ADAMTSL1: variants seen among roughly 807,000 people sequenced by gnomAD.
ADAMTSL1 encodes ADAMTS-like protein 1.
ADAMTSL1 carries 126 observed loss-of-function variants against 201.8 expected under a neutral mutation model. The observed-to-expected ratio is 0.62, with a 90% CI of 0.54 to 0.72. The LOEUF (loss-of-function observed/expected upper bound fraction) is 0.72, where lower values mean the gene tolerates loss of function less well. Ranked by LOEUF, ADAMTSL1 falls within the 30% of genes least tolerant of loss-of-function variation. The probability of loss-of-function intolerance (pLI) is 0.00; values close to 1 mark genes in which losing one functional copy is unlikely to be tolerated. For synonymous variants in ADAMTSL1, 1,121 were observed against 903.4 expected (o/e 1.24, Z -4.32); for missense variants, 2,679 against 2,277.8 (o/e 1.18, Z -3.59).
rs531076532 is a variant in ADAMTSL1 at position 18,495,307 on chromosome 9, A to T, written c.64-9522A>T. Among the ~76,000 whole-genome samples the T allele has an allele frequency of 2.0e-5, 3 of 152,296 alleles. 1 individual carries two copies. The South Asian group carries it at 6.2e-4, about 32-fold the overall frequency. On this transcript the variant is annotated intron_variant, in intron 1 of 28. Transcript: ENST00000380548. ...ATGTGAAAGCAACGCGTCCCTCAAA[A>T]GCCAAGAGGCAGAGGGCTATGAGGT...
At chr9:18,035,269 C>G (rs76649668) in intron 1 of ADAMTSL1, among the ~76,000 whole-genome samples, 1 of 152,156 alleles carries the variant, frequency 6.6e-6, no homozygotes, top group Non-Finnish European at 1.5e-5. Context: ...GCCTGTTAGG[C>G]ATATTTATGC....
chr9:18,178,315 C>T (rs528881055), intron 2 of ADAMTSL1, among the ~76,000 whole-genome samples: 7 of 151,844 alleles, frequency 4.6e-5, no homozygotes, highest in Non-Finnish European at 8.8e-5. Flanking sequence ...TGCGCTTTTC[C>T]GACGGGCTTA....
At chr9:18,744,705 C>T (rs973217039) in intron 15 of ADAMTSL1, among the ~76,000 whole-genome samples, 4 of 152,222 alleles carry the variant, frequency 2.6e-5, no homozygotes, top group African/African-American at 9.7e-5. Context: ...TAAGTAACTT[C>T]CCCGAGATTA....
intron 3 of ADAMTSL1, among the ~76,000 whole-genome samples, chr9:18,566,159 AAG>A (rs1821877490): frequency 6.6e-6 from 1 of 152,220 alleles, no homozygotes; most frequent in African/African-American, 2.4e-5. Context: ...TTTTGAAAGA[AAG>A]AAAAAAATTA....
At chr9:18,285,499 T>C (rs760319861) in intron 2 of ADAMTSL1, among the ~76,000 whole-genome samples, 1 of 152,156 alleles carries the variant, frequency 6.6e-6, no homozygotes, top group Non-Finnish European at 1.5e-5. Flanking sequence ...TATTAGTTTC[T>C]AGTGTGTTTC....
intron 2 of ADAMTSL1, among the ~76,000 whole-genome samples, chr9:18,359,752 G>A (rs940425328): frequency 6.6e-6 from 1 of 150,966 alleles, no homozygotes; most frequent in African/African-American, 2.4e-5. Flanking sequence ...CTTTTCTAAG[G>A]GTGTTCCTTA....
intron 3 of ADAMTSL1, among the ~76,000 whole-genome samples, chr9:18,552,437 G>T (rs1406284008): frequency 6.6e-6 from 1 of 151,584 alleles, no homozygotes; most frequent in African/African-American, 2.4e-5. Context: ...TTCCAAAATG[G>T]TCTTTTTATT....
Position 18,782,688 on chromosome 9 carries a change from A to G in ADAMTSL1, c.3677+4782A>G, listed in dbSNP as rs116183816. Among the ~76,000 whole-genome samples the G allele has an allele frequency of 3.9e-3, 587 of 152,346 alleles. 1 individual carries two copies. Among genetic ancestry groups the G allele is most frequent in the African/African-American group, 0.014 (563 of 41,568 alleles). On this transcript the variant is annotated intron_variant, in intron 19 of 28. Transcript: ENST00000380548. Reference sequence around the variant, plus strand: ...GCAGAAAATTAAAACGGGTATAATAAGAGAATGATTTGGTGACCGCTTTAG... The same window carrying G: ...GCAGAAAATTAAAACGGGTATAATAGGAGAATGATTTGGTGACCGCTTTAG...
chr9:18,063,665 T>C (rs956373790), intron 1 of ADAMTSL1, among the ~76,000 whole-genome samples: 15 of 152,226 alleles, frequency 9.9e-5, no homozygotes, highest in African/African-American at 3.6e-4. Context: ...TGATGCTTAC[T>C]GTATACCACG....
intron 1 of ADAMTSL1, among the ~76,000 whole-genome samples, chr9:18,022,961 T>C (rs148417831): frequency 1.3e-5 from 2 of 152,210 alleles, no homozygotes; most frequent in African/African-American, 4.8e-5. Context: ...TGGGTTTCTT[T>C]TCTCTTACCC....
intron 2 of ADAMTSL1, among the ~76,000 whole-genome samples, chr9:18,313,862 C>T (rs1477098396): frequency 4.6e-5 from 7 of 152,090 alleles, no homozygotes; most frequent in Admixed American, 4.6e-4. Flanking sequence ...AGAGCTTCTG[C>T]ACAGCAAACA....
chr9:18,265,722 T>C (rs1196047908), intron 2 of ADAMTSL1, among the ~76,000 whole-genome samples: 2 of 152,212 alleles, frequency 1.3e-5, no homozygotes, highest in African/African-American at 4.8e-5. Context: ...AAAATGTCTT[T>C]TAAAATAATC....
intron 9 of ADAMTSL1, among the ~76,000 whole-genome samples, chr9:18,662,518 G>A (rs367789667): frequency 9.3e-4 from 141 of 152,190 alleles, no homozygotes; most frequent in African/African-American, 3.3e-3. Context: ...ATCCCTTCTA[G>A]CCTGTCCACA....
intron 2 of ADAMTSL1, among the ~76,000 whole-genome samples, chr9:18,520,202 A>C (rs1818610127): frequency 6.6e-6 from 1 of 152,218 alleles, no homozygotes; most frequent in Non-Finnish European, 1.5e-5. Flanking sequence ...TTGCTCAAAA[A>C]TCTGTAAAAG....
intron 4 of ADAMTSL1, among the ~76,000 whole-genome samples, chr9:18,610,363 C>A (rs999862165): frequency 2.6e-5 from 4 of 152,088 alleles, no homozygotes; most frequent in Admixed American, 2.6e-4. Flanking sequence ...TCTGAAAATT[C>A]GCTGCCTTGT....
intron 1 of ADAMTSL1, among the ~76,000 whole-genome samples, chr9:18,024,208 AT>A (rs1820597704): frequency 6.6e-6 from 1 of 152,114 alleles, no homozygotes; most frequent in Non-Finnish European, 1.5e-5. Flanking sequence ...AAACAAAGTA[AT>A]TTTGTTTATA....
chr9:18,756,122 T>TATATATATATAC (rs1491270780), intron 16 of ADAMTSL1, among the ~76,000 whole-genome samples: 10 of 85,844 alleles, frequency 1.2e-4, no homozygotes, highest in Non-Finnish European at 2.4e-4. Context: ...TATATATATA[T>TATATATATATAC]ACAAAAATTA....
At chr9:18,665,010 T>G (rs1829343617) in intron 9 of ADAMTSL1, among the ~76,000 whole-genome samples, 1 of 152,120 alleles carries the variant, frequency 6.6e-6, no homozygotes, top group South Asian at 2.1e-4. Context: ...ATTATAAAAA[T>G]TATCACAATT....
intron 23 of ADAMTSL1, among the ~76,000 whole-genome samples, chr9:18,841,848 A>G (rs531204745): frequency 1.3e-5 from 2 of 152,238 alleles, no homozygotes; most frequent in Admixed American, 1.3e-4. Flanking sequence ...GTACTCTCTG[A>G]TGGTACTTTG....
Sources: gnomAD v4.1 joint callset for allele counts (sites outside exome capture counted in the v4.1 genomes callset) on GRCh38, gnomAD v4.1.1 for gene constraint, MANE v1.5 for transcripts, NCBI Gene and HGNC (gene_info 2026-07-23, HGNC 2026-07-21) for gene names.